PRDM12: variants seen among roughly 807,000 people sequenced by gnomAD.
The protein encoded by PRDM12 is PR/SET domain 12, also known as PR domain zinc finger protein 12.
PRDM12 carries 17 observed loss-of-function variants against 29.6 expected under a neutral mutation model. That is an observed-to-expected ratio of 0.57 (90% confidence interval 0.39 to 0.86). The LOEUF (loss-of-function observed/expected upper bound fraction) is 0.86, where lower values mean the gene tolerates loss of function less well. PRDM12 is among the 40% of genes least tolerant of loss of function. PRDM12 has a pLI of 0.00. For synonymous variants in PRDM12, 231 were observed against 225.8 expected (o/e 1.02, Z -0.21); for missense variants, 422 against 510.8 (o/e 0.83, Z 1.68).
chr9:130,678,105 T>C lies in PRDM12; in HGVS notation c.571-424T>C, dbSNP rs562652672. 2.0e-5 allele frequency among the ~76,000 whole-genome samples: 3 copies of C among 152,210 alleles called. No homozygotes were observed. The South Asian group carries it at 6.2e-4, about 32-fold the overall frequency. ...ATTATCGCCTCAGGGTATAGCCAAGTACCCTGGGGTGCCCCACAGCCCACC... is the reference window on the plus strand; with the variant it reads ...ATTATCGCCTCAGGGTATAGCCAAGCACCCTGGGGTGCCCCACAGCCCACC... On this transcript the variant is annotated intron_variant, in intron 3 of 4. Transcript: ENST00000253008.
chr9:130,673,713 C>G (rs1588186855), intron 3 of PRDM12, among the ~76,000 whole-genome samples: 1 of 140,492 alleles, frequency 7.1e-6, no homozygotes, highest in East Asian at 2.1e-4. Context: ...CTCTTGTTGC[C>G]CAGGCTGGAG....
rs1209413545 is a variant in PRDM12 at position 130,668,374 on chromosome 9, T to A, written c.570+61T>A. On this transcript the variant is annotated intron_variant, in intron 3 of 4. Coordinates refer to ENST00000253008, the MANE Select transcript of PRDM12 (RefSeq NM_021619.3). The surrounding 1 kb of genome is among the most constrained non-coding windows in gnomAD (Gnocchi z 4.0). ...AGCCGGTAAACCCGGCGGGGGGAGG[T>A]GTGCAGGGCAGCGGTGTCCAGGAAC... The A allele has an allele frequency of 1.2e-6, 2 of 1,601,210 alleles. No individual in the cohort carries two copies. Among genetic ancestry groups the A allele is most frequent in the East Asian group, 4.5e-5 (2 of 44,530 alleles).
intron 3 of PRDM12, among the ~76,000 whole-genome samples, chr9:130,671,293 T>C (rs951195865): frequency 2.0e-4 from 31 of 151,584 alleles, no homozygotes; most frequent in African/African-American, 7.5e-4. Flanking sequence ...TGTAGTGAAC[T>C]ATCAGCAGCA....
Position 130,668,937 on chromosome 9 carries a change from T to C in PRDM12, c.570+624T>C, listed in dbSNP as rs1830760364. Among the ~76,000 whole-genome samples the C allele has an allele frequency of 6.6e-6, 1 of 152,036 alleles. No individual in the cohort carries two copies. The highest frequency in any genetic ancestry group is 1.5e-5 in the Non-Finnish European group (1 of 68,004). On this transcript the variant is annotated intron_variant, in intron 3 of 4. Coordinates refer to ENST00000253008, the MANE Select transcript of PRDM12 (RefSeq NM_021619.3). The surrounding 1 kb of genome is among the most constrained non-coding windows in gnomAD (Gnocchi z 4.0). ...AGGTCTCCCTCGGTGGCAGCAGACTTGGGGGTTTTGCCGGCCATCTGGGGG... is the reference window on the plus strand; with the variant it reads ...AGGTCTCCCTCGGTGGCAGCAGACTCGGGGGTTTTGCCGGCCATCTGGGGG...
At position 130,668,244 on chromosome 9, in the gene PRDM12, A is replaced by T; in HGVS notation, c.501A>T (p.Ala167=). The T allele has an allele frequency of 6.2e-7, 1 of 1,614,212 alleles. No homozygotes were observed. The highest frequency in any genetic ancestry group is 1.1e-5 in the South Asian group (1 of 91,086). The change falls in exon 3 of 5, where the codon GCA becomes GCT. Residue 167 remains alanine (A), a synonymous_variant. Coordinates refer to ENST00000253008, the MANE Select transcript of PRDM12 (RefSeq NM_021619.3). This position sits in a 1 kb window ranked among gnomAD's most constrained non-coding sequence, Gnocchi z 4.0. ...GCTGGATGACCTACATCAAGTGTGCACGTAACGAACAGGAGCAGAACCTGG... is the reference window on the plus strand; with the variant it reads ...GCTGGATGACCTACATCAAGTGTGCTCGTAACGAACAGGAGCAGAACCTGG... ...HRSWMTYIKC[A]RNEQEQNLEV...
At chr9:130,673,821 G>A (rs925060051) in intron 3 of PRDM12, among the ~76,000 whole-genome samples, 2 of 151,530 alleles carry the variant, frequency 1.3e-5, no homozygotes, top group South Asian at 2.1e-4. Flanking sequence ...ACAGGCATGC[G>A]CCAGCACTCC....
chr9:130,681,329 G>C lies in PRDM12; in HGVS notation c.764G>C (p.Arg255Pro). 6.4e-7 allele frequency: 1 copy of C among 1,562,392 alleles called. No individual in the cohort carries two copies. The highest frequency in any genetic ancestry group is 8.7e-7 in the Non-Finnish European group (1 of 1,152,276). ...CVICHRGFNS[R>P]SNLRSHMRIH... ...ATCTGCCACCGCGGCTTCAACTCGC[G>C]CAGCAACCTGCGCTCGCACATGCGC... is the stretch of plus-strand genomic sequence containing the variant. The change falls in exon 5 of 5, where the codon CGC becomes CCC. Residue 255 changes from arginine to proline, a missense_variant. Arg to Pro is a moderately radical substitution (Grantham distance 103). Around this residue, in one of 5 missense-constraint regions of PRDM12, gnomAD observed 300 missense variants for 350.0 expected, o/e 0.86. Transcript: ENST00000253008. The surrounding 1 kb of genome is among the most constrained non-coding windows in gnomAD (Gnocchi z 8.1).
At position 130,668,414 on chromosome 9, in the gene PRDM12, G is replaced by T. The variant is rs1393117344; in HGVS notation, c.570+101G>T. The T allele has an allele frequency of 3.2e-6, 5 of 1,554,898 alleles. No homozygotes were observed. The highest frequency in any genetic ancestry group is 4.4e-6 in the Non-Finnish European group (5 of 1,141,492). ...TGTCCAGGAACCACAGTGGACAGAGGGGAGCTGACACTGGCCTCGCTGGCT... is the reference window on the plus strand; with the variant it reads ...TGTCCAGGAACCACAGTGGACAGAGTGGAGCTGACACTGGCCTCGCTGGCT... On this transcript the variant is annotated intron_variant, in intron 3 of 4. Transcript: ENST00000253008. This position sits in a 1 kb window ranked among gnomAD's most constrained non-coding sequence, Gnocchi z 4.0.
chr9:130,674,868 C>A (rs1313058084), intron 3 of PRDM12, among the ~76,000 whole-genome samples: 2 of 152,122 alleles, frequency 1.3e-5, no homozygotes, highest in African/African-American at 4.8e-5. Context: ...GCAATAGTCA[C>A]CATCAGAGTT....
intron 1 of PRDM12, 151 bp from the exon 2 acceptor site, chr9:130,666,457 T>A: frequency 1.0e-6 from 1 of 981,106 alleles, no homozygotes; most frequent in Non-Finnish European, 1.4e-6. Flanking sequence ...ACATCCGACT[T>A]CCTCCACACC....
chr9:130,675,678 G>T (rs1259353571), intron 3 of PRDM12, among the ~76,000 whole-genome samples: 1 of 152,234 alleles, frequency 6.6e-6, no homozygotes, highest in Admixed American at 6.5e-5. Context: ...TGAGGCCATG[G>T]CAATGTGAGG....
chr9:130,664,610 G>A lies in PRDM12; in HGVS notation c.-44G>A, dbSNP rs745422522. 1 of 1,306,386 alleles carries A rather than the reference G, an allele frequency of 7.7e-7. No homozygotes were observed. The highest frequency in any genetic ancestry group is 1.6e-5 in the African/African-American group (1 of 63,776). 80.9% of individuals were successfully genotyped at this position (1,306,386 alleles called of 1,614,324 possible). ...CCCCTCTCGCCCGCCCACCTCCCCC[G>A]TCGGCCCGGCCGTCCCCCGGCGCCG... is the stretch of plus-strand genomic sequence containing the variant. On this transcript the variant is annotated 5_prime_UTR_variant, in exon 1 of 5. Coordinates refer to ENST00000253008, the MANE Select transcript of PRDM12 (RefSeq NM_021619.3). The surrounding 1 kb of genome is among the most constrained non-coding windows in gnomAD (Gnocchi z 6.4).
chr9:130,666,544 G>A (rs1471450849), intron 1 of PRDM12, 64 bp from the exon 2 acceptor site: 4 of 1,561,048 alleles, frequency 2.6e-6, no homozygotes, highest in South Asian at 2.3e-5. Flanking sequence ...TCCCGGCGGG[G>A]AAGGAAGGGC....
intron 3 of PRDM12, among the ~76,000 whole-genome samples, chr9:130,673,306 C>G (rs1830805750): frequency 6.6e-6 from 1 of 152,186 alleles, no homozygotes; most frequent in South Asian, 2.1e-4. Context: ...AGGGAAGAAG[C>G]TGCAGGTTCC....
chr9:130,678,661 C>T (rs750456893), intron 4 of PRDM12, 21 bp downstream of exon 4: 29 of 1,560,890 alleles, frequency 1.9e-5, no homozygotes, highest in African/African-American at 4.1e-5. Flanking sequence ...CCCATGGGGC[C>T]GCTGAGACAC....
intron 1 of PRDM12, 141 bp downstream of exon 1, chr9:130,665,017 C>T: frequency 1.2e-6 from 1 of 862,964 alleles, no homozygotes; most frequent in Non-Finnish European, 1.7e-6. Context: ...GCTCGGTGCA[C>T]CTCAGTTTCC....
chr9:130,669,420 G>A (rs1278235548), intron 3 of PRDM12, among the ~76,000 whole-genome samples: 1 of 151,988 alleles, frequency 6.6e-6, no homozygotes, highest in Non-Finnish European at 1.5e-5. Context: ...CTACTCAGGA[G>A]GCTGAGGCAT....
chr9:130,674,872 CAG>C (rs1564247281), intron 3 of PRDM12, among the ~76,000 whole-genome samples: 1 of 152,136 alleles, frequency 6.6e-6, no homozygotes, highest in Non-Finnish European at 1.5e-5. Context: ...TAGTCACCAT[CAG>C]AGTTCTTATT....
rs1432456892 is a variant in PRDM12, at chr9:130,668,347, C to T, written c.570+34C>T. On this transcript the variant is annotated intron_variant, in intron 3 of 4. Coordinates refer to ENST00000253008, the MANE Select transcript of PRDM12 (RefSeq NM_021619.3). The surrounding 1 kb of genome is among the most constrained non-coding windows in gnomAD (Gnocchi z 4.0). Reference sequence around the variant, plus strand: ...GTGTGTGTGCACTGTTGTGTAGGGACCAGCCGGTAAACCCGGCGGGGGGAG... The same window carrying T: ...GTGTGTGTGCACTGTTGTGTAGGGATCAGCCGGTAAACCCGGCGGGGGGAG... The T allele has an allele frequency of 1.2e-6, 2 of 1,607,616 alleles. No homozygotes were observed. Among genetic ancestry groups the T allele is most frequent in the East Asian group, 2.2e-5 (1 of 44,710 alleles).
Sources: gnomAD v4.1 joint callset for allele counts (sites outside exome capture counted in the v4.1 genomes callset) on GRCh38, gnomAD v4.1.1 for gene constraint, gnomAD v4.1.1 regional missense constraint, Gnocchi (gnomAD v3.1) non-coding constraint, MANE v1.5 for transcripts, NCBI Gene and HGNC (gene_info 2026-07-23, HGNC 2026-07-21) for gene names.